The following TTC27 variants were observed in gnomAD, a reference collection of about 807,000 sequenced individuals.
TTC27 encodes tetratricopeptide repeat domain 27.
TTC27 carries 79 observed loss-of-function variants against 115.9 expected under a neutral mutation model. That is an observed-to-expected ratio of 0.68 (90% CI 0.57 to 0.82). The LOEUF (loss-of-function observed/expected upper bound fraction) is 0.82, where lower values mean the gene tolerates loss of function less well. Among genes scored for constraint, TTC27 ranks in the 40% least tolerant of loss-of-function variants. TTC27 has a pLI of 0.00. For missense variants in TTC27, 1,054 were observed against 993.1 expected, an observed-to-expected ratio of 1.06 and a Z score of -0.82; for synonymous variants, 401 against 356.0, an observed-to-expected ratio of 1.13 and a Z score of -1.42.
chr2:32,628,665 G>T (rs1185168492), intron 1 of TTC27, among the ~76,000 whole-genome samples: 1 of 152,054 alleles, frequency 6.6e-6, no homozygotes, highest in Non-Finnish European at 1.5e-5. Flanking sequence ...AGATACTTAA[G>T]GTAGATTCAA....
rs560423412 is a variant in TTC27 at position 32,746,769 on chromosome 2, T to G, written c.1452+9953T>G. On this transcript the variant is annotated intron_variant, in intron 12 of 19. Coordinates refer to ENST00000317907, the MANE Select transcript of TTC27 (RefSeq NM_017735.5). Reference sequence around the variant, plus strand: ...TTGTAGCTCATTATTTGGTAATAAATTATGTAAATTGAGTGGATAAGTGGA... The same window carrying G: ...TTGTAGCTCATTATTTGGTAATAAAGTATGTAAATTGAGTGGATAAGTGGA... 2.6e-5 allele frequency among the ~76,000 whole-genome samples: 4 copies of G among 152,150 alleles called. 1 individual carries two copies. The highest frequency in any genetic ancestry group is 7.2e-5 in the African/African-American group (3 of 41,506).
chr2:32,664,539 G>T, intron 6 of TTC27, 72 bp downstream of exon 6: 1 of 1,310,214 alleles, frequency 7.6e-7, no homozygotes, highest in East Asian at 2.5e-5. Flanking sequence ...AGTTTGTATT[G>T]TATGTTGGTA....
intron 13 of TTC27, 35 bp from the exon 14 acceptor site, chr2:32,777,847 T>C (rs763392476): frequency 6.3e-7 from 1 of 1,596,026 alleles, no homozygotes; most frequent in Non-Finnish European, 8.6e-7. Flanking sequence ...AATGTTTCTG[T>C]GTGTTTGAAT....
At chr2:32,669,307 G>A (rs1268979891) in intron 7 of TTC27, among the ~76,000 whole-genome samples, 4 of 152,048 alleles carry the variant, frequency 2.6e-5, no homozygotes, top group African/African-American at 9.7e-5. Context: ...TTAATCTTTT[G>A]TATGTGAAAT....
intron 18 of TTC27, 82 bp downstream of exon 18, chr2:32,812,697 G>C (rs1438352028): frequency 2.8e-5 from 29 of 1,038,516 alleles, no homozygotes; most frequent in Non-Finnish European, 4.2e-5. Context: ...CAAAAGTAAA[G>C]TTCCATTATA....
intron 13 of TTC27, among the ~76,000 whole-genome samples, chr2:32,774,275 G>A (rs779038783): frequency 1.3e-5 from 2 of 149,470 alleles, no homozygotes; most frequent in African/African-American, 4.9e-5. Flanking sequence ...TCCACCTCCC[G>A]GTTCAAGTGA....
At chr2:32,756,692 A>G (rs548166325) in intron 12 of TTC27, among the ~76,000 whole-genome samples, 6 of 152,354 alleles carry the variant, frequency 3.9e-5, no homozygotes, top group African/African-American at 1.4e-4. Flanking sequence ...CAACTGATGT[A>G]TGTTAGGGGC....
intron 9 of TTC27, among the ~76,000 whole-genome samples, chr2:32,690,340 T>G (rs1440649986): frequency 1.3e-5 from 2 of 151,922 alleles, no homozygotes; most frequent in Non-Finnish European, 2.9e-5. Flanking sequence ...TGCTACTAGA[T>G]GTTGTGGAAA....
At position 32,768,081 on chromosome 2, in the gene TTC27, A is replaced by G. The variant is rs1175902005; in HGVS notation, c.1680+9562A>G. On this transcript the variant is annotated intron_variant, in intron 13 of 19. Coordinates refer to ENST00000317907, the MANE Select transcript of TTC27 (RefSeq NM_017735.5). ...TATTAGCATAAAATATGACTAAAAC[A>G]CTGATTAAAGCATATGAATGTCTAC... Among the ~76,000 whole-genome samples, 3 of 152,230 alleles carry G rather than the reference A, an allele frequency of 2.0e-5. No homozygotes were observed. In the East Asian group the frequency reaches 5.8e-4, roughly 29 times the overall value.
At chr2:32,746,582 A>AAAAAAAAAAAAAAAAAAAAAAT (rs56007091) in intron 12 of TTC27, among the ~76,000 whole-genome samples, 5 of 151,052 alleles carry the variant, frequency 3.3e-5, no homozygotes, top group Non-Finnish European at 5.9e-5. Flanking sequence ...AAAAAAAAAA[A>AAAAAAAAAAAAAAAAAAAAAAT]GAATGCACAT....
intron 16 of TTC27, among the ~76,000 whole-genome samples, chr2:32,805,205 T>C (rs1365965013): frequency 6.6e-6 from 1 of 152,226 alleles, no homozygotes; most frequent in African/African-American, 2.4e-5. Context: ...TTTGTTCATC[T>C]GCACAATGCA....
chr2:32,674,555 A>G (rs1666128315), intron 8 of TTC27, among the ~76,000 whole-genome samples: 1 of 152,196 alleles, frequency 6.6e-6, no homozygotes, highest in African/African-American at 2.4e-5. Flanking sequence ...TAAAAGTTGA[A>G]TTCAGTTCTA....
At position 32,723,694 on chromosome 2, in the gene TTC27, T is replaced by TCCTTCCTCCCTCCCTCCCTCCCTC. The variant is rs1426698541; in HGVS notation, c.1234-10131_1234-10130insTCCTCCCTCCCTCCCTCCCTCCCT. Among the ~76,000 whole-genome samples, 14 of 57,932 alleles carry TCCTTCCTCCCTCCCTCCCTCCCTC rather than the reference T, an allele frequency of 2.4e-4. 2 individuals carry two copies. The highest frequency in any genetic ancestry group is 1.1e-3 in the African/African-American group (12 of 11,190). 38.0% of individuals were successfully genotyped at this position (57,932 alleles called of 152,430 possible). On this transcript the variant is annotated intron_variant, in intron 10 of 19. Coordinates refer to ENST00000317907, the MANE Select transcript of TTC27 (RefSeq NM_017735.5). Reference sequence around the variant, plus strand: ...CTAATTATTGTTAGACTCAGCTCCTTCCTCCCTCCCTCCCTCCCTCCCTCC... The same window carrying TCCTTCCTCCCTCCCTCCCTCCCTC: ...CTAATTATTGTTAGACTCAGCTCCTTCCTTCCTCCCTCCCTCCCTCCCTCCCTCCCTCCCTCCCTCCCTCCCTCC...
intron 18 of TTC27, among the ~76,000 whole-genome samples, chr2:32,815,712 G>A (rs187880392): frequency 6.6e-6 from 1 of 152,090 alleles, no homozygotes; most frequent in Non-Finnish European, 1.5e-5. Flanking sequence ...AAACTGCTGG[G>A]TACTAAACAG....
chr2:32,674,136 A>G (rs1000576962), intron 8 of TTC27, among the ~76,000 whole-genome samples: 1 of 151,838 alleles, frequency 6.6e-6, no homozygotes, highest in African/African-American at 2.4e-5. Context: ...GAAAGGGAAC[A>G]TTTGAAAAAA....
At chr2:32,697,734 C>A (rs1246062051) in intron 9 of TTC27, among the ~76,000 whole-genome samples, 1 of 151,836 alleles carries the variant, frequency 6.6e-6, no homozygotes, top group Admixed American at 6.6e-5. Flanking sequence ...TAGAGGAATT[C>A]AAGCTAGTTT....
chr2:32,708,301 C>CTTT (rs1159740039), intron 10 of TTC27, among the ~76,000 whole-genome samples: 1 of 80,256 alleles, frequency 1.2e-5, no homozygotes, highest in African/African-American at 5.4e-5. Context: ...TTTTCTCTAC[C>CTTT]TTGTTTTTTT....
rs76311793 is a variant in TTC27 at position 32,790,667 on chromosome 2, T to A, written c.1998+3518T>A. On this transcript the variant is annotated intron_variant, in intron 16 of 19. Coordinates refer to ENST00000317907, the MANE Select transcript of TTC27 (RefSeq NM_017735.5). Reference sequence around the variant, plus strand: ...GTGCAGAAGATCTCAAACTTAATCCTCTGTCTGAAACTTTGTATCCTTTCC... The same window carrying A: ...GTGCAGAAGATCTCAAACTTAATCCACTGTCTGAAACTTTGTATCCTTTCC... Among the ~76,000 whole-genome samples the A allele has an allele frequency of 2.4e-3, 370 of 152,272 alleles. 2 individuals are homozygous for A. Among genetic ancestry groups the A allele is most frequent in the African/African-American group, 8.5e-3 (352 of 41,546 alleles).
intron 15 of TTC27, among the ~76,000 whole-genome samples, chr2:32,784,555 A>G (rs1670287722): frequency 6.6e-6 from 1 of 152,324 alleles, no homozygotes; most frequent in East Asian, 1.9e-4. Flanking sequence ...TCATGTTCCT[A>G]TCAGTCCCAT....
Sources: allele counts gnomAD v4.1 joint callset (sites outside exome capture counted in the v4.1 genomes callset), GRCh38; gene constraint gnomAD v4.1.1; transcripts MANE v1.5; gene names NCBI Gene and HGNC (gene_info 2026-07-23, HGNC 2026-07-21).